ADAM2: variants seen among roughly 807,000 people sequenced by gnomAD.
ADAM2 encodes ADAM metallopeptidase domain 2, also known as disintegrin and metalloproteinase domain-containing protein 2.
Under a neutral mutation model 99.3 loss-of-function variants are expected in ADAM2, and 101 were observed. The ratio of observed to expected loss-of-function variants is 1.02; its 90% CI spans 0.87 to 1.20. ADAM2 has a LOEUF of 1.20. ADAM2 is among the 50% of genes most tolerant of loss of function. The pLI, the probability that ADAM2 is intolerant of heterozygous loss-of-function variation, is 0.00. For synonymous variants in ADAM2, 323 were observed against 287.6 expected, an observed-to-expected ratio of 1.12 and a Z score of -1.25; for missense variants, 948 against 878.7, an observed-to-expected ratio of 1.08 and a Z score of -1.00.
At chr8:39,826,468 A>G (rs1805404506) in intron 3 of ADAM2, among the ~76,000 whole-genome samples, 1 of 152,170 alleles carries the variant, frequency 6.6e-6, no homozygotes, top group Non-Finnish European at 1.5e-5. Flanking sequence ...TCACGCCTGT[A>G]ATCCCAGCAC....
intron 7 of ADAM2, among the ~76,000 whole-genome samples, chr8:39,793,709 C>A (rs561915688): frequency 3.8e-4 from 58 of 152,198 alleles, no homozygotes; most frequent in African/African-American, 1.1e-3. Flanking sequence ...GTGCCAAAAT[C>A]TATTGGTAAA....
rs181692903 is a variant in ADAM2, at chr8:39,758,316, A to G, written c.1614-2405T>C. Among the ~76,000 whole-genome samples the G allele has an allele frequency of 5.0e-4, 76 of 152,240 alleles. 1 individual carries two copies. Among genetic ancestry groups the G allele is most frequent in the Admixed American group, 5.0e-3 (76 of 15,294 alleles). ...AAAGCAATTATAAAGCAATATATAC[A>G]TATAGTTACAAAACTGTATGTGTTT... On this transcript the variant is annotated intron_variant, in intron 15 of 20. Transcript: ENST00000265708.
chr8:39,800,483 GA>G (rs1804157696), intron 7 of ADAM2, among the ~76,000 whole-genome samples: 1 of 152,118 alleles, frequency 6.6e-6, no homozygotes, highest in African/African-American at 2.4e-5. Context: ...CAACCTTGGA[GA>G]ATCTGATGAC....
At chr8:39,837,585 C>G (rs1203299360) in intron 1 of ADAM2, among the ~76,000 whole-genome samples, 2 of 152,140 alleles carry the variant, frequency 1.3e-5, no homozygotes, top group East Asian at 3.9e-4. Context: ...GGGGATTTCA[C>G]CATGTTGGCC....
rs149073196 is a variant in ADAM2 at position 39,772,220 on chromosome 8, C to T, written c.1029-2645G>A. ...GAGATTTGCTGGATGCTTTCATTCT[C>T]TATTCTCTCACTTTTTTTTTATAAT... On this transcript the variant is annotated intron_variant, in intron 11 of 20. Transcript: ENST00000265708. Among the ~76,000 whole-genome samples, 584 of 150,170 alleles carry T rather than the reference C, an allele frequency of 3.9e-3. 4 individuals are homozygous for T. Among genetic ancestry groups the T allele is most frequent in the Middle Eastern group, 0.01 (3 of 288 alleles).
In ADAM2 at chr8:39,771,885, G is replaced by T. The variant is rs79673701; in HGVS notation, c.1029-2310C>A. The stretch of plus-strand genomic sequence containing the variant: ...AGATACATTTACCATGTGTGAACTG[G>T]TTTATAGAGTATACACTTTCTGGTA... On this transcript the variant is annotated intron_variant, in intron 11 of 20. Transcript: ENST00000265708. Among the ~76,000 whole-genome samples the T allele has an allele frequency of 3.0e-3, 453 of 152,058 alleles. 1 individual carries two copies. Among genetic ancestry groups the T allele is most frequent in the Non-Finnish European group, 4.6e-3 (312 of 67,954 alleles).
At position 39,821,166 on chromosome 8, in the gene ADAM2, C is replaced by A. The variant is rs752769589; in HGVS notation, c.349G>T (p.Val117Leu). ...MVSTCTGLRG[V>L]LQFENVSYGI... ...TAACTAACATTTTCAAACTGTAGTACGCCCCTAAAAATTTCAAAAAAAAAT... is the reference window on the plus strand; with the variant it reads ...TAACTAACATTTTCAAACTGTAGTAAGCCCCTAAAAATTTCAAAAAAAAAT... Residue 117 changes from valine to leucine, a missense_variant, in exon 6 of 21, where the codon GTA becomes TTA. Transcript: ENST00000265708. 1 of 1,566,494 alleles carries A rather than the reference C, an allele frequency of 6.4e-7. No homozygotes were observed. Among genetic ancestry groups the A allele is most frequent in the Non-Finnish European group, 8.6e-7 (1 of 1,162,010 alleles).
At position 39,773,191 on chromosome 8, in the gene ADAM2, T is replaced by C. The variant is rs553313857; in HGVS notation, c.1029-3616A>G. On this transcript the variant is annotated intron_variant, in intron 11 of 20. Coordinates refer to ENST00000265708, the MANE Select transcript of ADAM2 (RefSeq NM_001464.5). Reference sequence around the variant, plus strand: ...TCAACTAACCTACATCTAAAATAGCTAGACAAAGAAGAAATCACAAAAAAT... The same window carrying C: ...TCAACTAACCTACATCTAAAATAGCCAGACAAAGAAGAAATCACAAAAAAT... Among the ~76,000 whole-genome samples, 43 of 151,844 alleles carry C rather than the reference T, an allele frequency of 2.8e-4. 1 individual carries two copies. The South Asian group carries it at 8.3e-3, about 29-fold the overall frequency.
chr8:39,816,112 A>G (rs1204570282), intron 6 of ADAM2, among the ~76,000 whole-genome samples: 1 of 152,142 alleles, frequency 6.6e-6, no homozygotes, highest in Non-Finnish European at 1.5e-5. Flanking sequence ...CCTGGCCAAC[A>G]TGGTGAAACC....
chr8:39,816,748 T>C (rs1362419986), intron 6 of ADAM2, among the ~76,000 whole-genome samples: 3 of 152,230 alleles, frequency 2.0e-5, no homozygotes, highest in Non-Finnish European at 4.4e-5. Flanking sequence ...GACAATAGAT[T>C]TGTAGTTTCC....
chr8:39,807,828 T>A (rs1804501724), intron 7 of ADAM2, among the ~76,000 whole-genome samples: 1 of 152,178 alleles, frequency 6.6e-6, no homozygotes, highest in South Asian at 2.1e-4. Flanking sequence ...ACTGGAACTT[T>A]AAATTACTGT....
intron 15 of ADAM2, 49 bp downstream of exon 15, chr8:39,761,127 A>T: frequency 2.5e-6 from 3 of 1,193,042 alleles, no homozygotes; most frequent in Non-Finnish European, 3.5e-6. Context: ...GGTATTTTCA[A>T]ATATAAGGTG....
intron 6 of ADAM2, among the ~76,000 whole-genome samples, chr8:39,811,720 T>C (rs1308136743): frequency 1.8e-4 from 28 of 152,136 alleles, no homozygotes; most frequent in African/African-American, 2.4e-5. Flanking sequence ...TTCGACAAAA[T>C]TCAACAGCGC....
intron 10 of ADAM2, among the ~76,000 whole-genome samples, chr8:39,786,333 T>A (rs1803466521): frequency 6.6e-6 from 1 of 152,188 alleles, no homozygotes; most frequent in Non-Finnish European, 1.5e-5. Flanking sequence ...TTTAATTGAT[T>A]CATCTCTTTA....
At chr8:39,777,225 A>C in intron 10 of ADAM2, 64 bp from the exon 11 acceptor site, 7 of 1,330,462 alleles carry the variant, frequency 5.3e-6, no homozygotes, top group Non-Finnish European at 7.4e-6. Context: ...AGAACAATGC[A>C]ATTATTAAAG....
In ADAM2 at chr8:39,788,036, G is replaced by A. The variant is rs115062811; in HGVS notation, c.809+49C>T. 1.3e-3 allele frequency: 1,620 copies of A among 1,232,540 alleles called. 15 individuals carry two copies. In the African/African-American group the frequency reaches 0.023, roughly 17 times the overall value. 76.4% of individuals were successfully genotyped at this position (1,232,540 alleles called of 1,614,324 possible). A position where few individuals can be genotyped will look rare whatever the true frequency, so the allele number is the denominator to read the frequency against. Reference sequence around the variant, plus strand: ...CAACAGTAAGATATTCGGTCAAATTGCATAAATTTTCTTCAGATAAACTTT... The same window carrying A: ...CAACAGTAAGATATTCGGTCAAATTACATAAATTTTCTTCAGATAAACTTT... On this transcript the variant is annotated intron_variant, in intron 9 of 20. Coordinates refer to ENST00000265708, the MANE Select transcript of ADAM2 (RefSeq NM_001464.5).
intron 6 of ADAM2, among the ~76,000 whole-genome samples, chr8:39,811,701 G>A (rs890965632): frequency 8.5e-5 from 13 of 152,172 alleles, no homozygotes. Flanking sequence ...AACAGATGCA[G>A]AAAAGGCCTT....
intron 16 of ADAM2, among the ~76,000 whole-genome samples, chr8:39,754,181 C>T (rs1416091358): frequency 6.6e-6 from 1 of 152,188 alleles, no homozygotes; most frequent in Non-Finnish European, 1.5e-5. Context: ...AACACTGTGG[C>T]AGGGTACTGC....
At chr8:39,744,809 A>T (rs143373254) in intron 20 of ADAM2, 21 bp downstream of exon 20, 55,923 of 1,505,722 alleles carry the variant, frequency 0.037, 1,297 homozygotes, top group Non-Finnish European at 0.044. Flanking sequence ...AATAAATTTT[A>T]AAAAAATGAA....
Sources: allele counts gnomAD v4.1 joint callset (sites outside exome capture counted in the v4.1 genomes callset), GRCh38; gene constraint gnomAD v4.1.1; transcripts MANE v1.5; gene names NCBI Gene and HGNC (gene_info 2026-07-23, HGNC 2026-07-21).